Variants in AFF2 observed in about 807,000 individuals in gnomAD.
The protein encoded by AFF2 is ALF transcription elongation factor 2, also known as AF4/FMR2 family member 2.
Under a neutral mutation model 76.9 loss-of-function variants are expected in AFF2, and 14 were observed. The observed-to-expected ratio is 0.18, with a 90% CI of 0.12 to 0.28. The LOEUF is 0.28. Ranked by LOEUF, AFF2 falls within the 10% of genes least tolerant of loss-of-function variation. AFF2 has a pLI of 1.00. For synonymous variants in AFF2, 398 were observed against 366.7 expected (o/e 1.09, Z -0.98); for missense variants, 868 against 1,001.1 (o/e 0.87, Z 1.79).
intron 3 of AFF2, among the ~76,000 whole-genome samples, chrX:148,663,237 A>G (rs1378088162): frequency 2.7e-5 from 3 of 112,002 alleles, no homozygotes; most frequent in Non-Finnish European, 3.8e-5. Context: ...AACCTGAAGT[A>G]GAAGGCGTTC....
intron 7 of AFF2, among the ~76,000 whole-genome samples, chrX:148,853,677 G>A (rs1392819093): frequency 9.0e-6 from 1 of 111,511 alleles, no homozygotes; most frequent in Non-Finnish European, 1.9e-5. Flanking sequence ...TGCTATTTTT[G>A]CTAATCTTGG....
intron 3 of AFF2, among the ~76,000 whole-genome samples, chrX:148,807,124 G>C (rs1237639547): frequency 3.6e-5 from 4 of 112,147 alleles, no homozygotes; most frequent in Admixed American, 1.9e-4. Context: ...CCAATAGTCA[G>C]TCATTATTAG....
chrX:148,949,026 C>G (rs781851931), intron 9 of AFF2, among the ~76,000 whole-genome samples: 22 of 110,671 alleles, frequency 2.0e-4, no homozygotes, highest in Non-Finnish European at 4.0e-4. Flanking sequence ...TTTGTATTTA[C>G]CGTGGAAGTT....
At chrX:148,712,282 G>A (rs983274608) in intron 3 of AFF2, among the ~76,000 whole-genome samples, 7 of 111,457 alleles carry the variant, frequency 6.3e-5, no homozygotes, top group Admixed American at 4.8e-4. Context: ...GAATGTTGCC[G>A]TATGCCAAAC....
intron 3 of AFF2, among the ~76,000 whole-genome samples, chrX:148,752,103 A>G (rs1171973119): frequency 5.4e-5 from 6 of 111,303 alleles, no homozygotes; most frequent in African/African-American, 2.0e-4. Flanking sequence ...TCACCTCCCA[A>G]GGGCAACATC....
intron 1 of AFF2, among the ~76,000 whole-genome samples, chrX:148,619,346 G>C (rs1305140549): frequency 9.9e-5 from 11 of 111,564 alleles, no homozygotes; most frequent in Admixed American, 5.7e-4. Context: ...AACAGCACTA[G>C]AACAAGGACT....
intron 3 of AFF2, among the ~76,000 whole-genome samples, chrX:148,739,585 G>T (rs782197489): frequency 9.0e-6 from 1 of 111,475 alleles, no homozygotes; most frequent in Non-Finnish European, 1.9e-5. Context: ...TCCATTCTGC[G>T]TTTCTGTATC....
At chrX:148,676,972 G>A (rs1203783420) in intron 3 of AFF2, among the ~76,000 whole-genome samples, 1 of 111,089 alleles carries the variant, frequency 9.0e-6, no homozygotes, top group African/African-American at 3.3e-5. Context: ...GATTGGCAGG[G>A]GAGTTGGGGG....
rs1291540362 is a variant in AFF2 at position 148,995,208 on chromosome X, C to A, written c.*3876C>A. 1 of 110,633 alleles carries A rather than the reference C, an allele frequency of 9.0e-6. No individual in the cohort carries two copies. The highest frequency in any genetic ancestry group is 3.3e-5 in the African/African-American group (1 of 30,334). 9.1% of individuals were successfully genotyped at this position (110,633 alleles called of 1,213,427 possible). ...TTATTCTCATAATTAAAATCTAATT[C>A]ATTTTCTCTTTAGTGTTAGTAGACT... On this transcript the variant is annotated 3_prime_UTR_variant, in exon 21 of 21. Transcript: ENST00000370460.
chrX:148,868,941 G>A (rs2070939830), intron 7 of AFF2, among the ~76,000 whole-genome samples: 1 of 112,434 alleles, frequency 8.9e-6, no homozygotes, highest in African/African-American at 3.2e-5. Flanking sequence ...CTCCTAAAGG[G>A]TCCACCTTTT....
rs908792572 is a variant in AFF2, at chrX:148,907,615, G to A, written c.1397+3357G>A. ...AGTGATTTTCAAAAGGGGAGGGAGTGTACGAATAGAGTGTGGGTGACAGAG... is the reference window on the plus strand; with the variant it reads ...AGTGATTTTCAAAAGGGGAGGGAGTATACGAATAGAGTGTGGGTGACAGAG... On this transcript the variant is annotated intron_variant, in intron 9 of 20. Coordinates refer to ENST00000370460, the MANE Select transcript of AFF2 (RefSeq NM_002025.4). Among the ~76,000 whole-genome samples, 3 of 111,621 alleles carry A rather than the reference G, an allele frequency of 2.7e-5. No individual in the cohort carries two copies. In the East Asian group the frequency reaches 8.5e-4, roughly 32 times the overall value.
intron 7 of AFF2, among the ~76,000 whole-genome samples, chrX:148,881,904 T>C (rs5980603): frequency 0.02 from 2,177 of 110,998 alleles, 28 homozygotes; most frequent in Middle Eastern, 0.032. Context: ...TTTTAACATA[T>C]AGAAAATTGA....
intron 1 of AFF2, among the ~76,000 whole-genome samples, chrX:148,544,626 A>G (rs782638970): frequency 5.3e-5 from 6 of 112,241 alleles, no homozygotes; most frequent in South Asian, 7.5e-4. Context: ...ATGTAGGGCA[A>G]TTCTGTATTC....
At chrX:148,761,217 A>G (rs2069435881) in intron 3 of AFF2, among the ~76,000 whole-genome samples, 1 of 111,979 alleles carries the variant, frequency 8.9e-6, no homozygotes, top group Non-Finnish European at 1.9e-5. Context: ...ATGGGTAGGT[A>G]TAGCTTTGAC....
chrX:148,586,700 C>T (rs2053473137), intron 1 of AFF2, among the ~76,000 whole-genome samples: 1 of 111,483 alleles, frequency 9.0e-6, no homozygotes, highest in Non-Finnish European at 1.9e-5. Context: ...CATTGGTGAC[C>T]AAAGTACTTT....
chrX:148,674,239 A>G (rs2054455930), intron 3 of AFF2, among the ~76,000 whole-genome samples: 1 of 112,325 alleles, frequency 8.9e-6, no homozygotes. Context: ...TTAACAGTGT[A>G]AAAAATACTC....
intron 18 of AFF2, 121 bp from the exon 19 acceptor site, chrX:148,980,617 T>C: frequency 2.0e-6 from 1 of 493,241 alleles, no homozygotes. Context: ...ATCCCAGCTC[T>C]GCATCCCGAA....
At chrX:148,806,481 G>A (rs2070135236) in intron 3 of AFF2, among the ~76,000 whole-genome samples, 1 of 111,734 alleles carries the variant, frequency 8.9e-6, no homozygotes, top group Non-Finnish European at 1.9e-5. Flanking sequence ...CCTTTCCCTG[G>A]CACTTAAATC....
At chrX:148,766,378 C>A (rs1351034710) in intron 3 of AFF2, among the ~76,000 whole-genome samples, 1 of 110,045 alleles carries the variant, frequency 9.1e-6, no homozygotes, top group Admixed American at 9.7e-5. Flanking sequence ...TGTTTCCTGA[C>A]TTTTTAATGA....
Sources: gnomAD v4.1 joint callset for allele counts (sites outside exome capture counted in the v4.1 genomes callset) on GRCh38, gnomAD v4.1.1 for gene constraint, MANE v1.5 for transcripts, NCBI Gene and HGNC (gene_info 2026-07-23, HGNC 2026-07-21) for gene names.